FGF12: variants seen among roughly 807,000 people sequenced by gnomAD.
FGF12 encodes fibroblast growth factor 12B.
Under a neutral mutation model 23.6 loss-of-function variants are expected in FGF12, and 14 were observed. The observed-to-expected ratio is 0.59, with a 90% CI of 0.39 to 0.93. The LOEUF is 0.93. Ranked by LOEUF, FGF12 falls within the 40% of genes least tolerant of loss-of-function variation. FGF12 has a pLI of 0.00. For synonymous variants in FGF12, 62 were observed against 77.3 expected (o/e 0.80, Z 1.04); for missense variants, 175 against 217.8 (o/e 0.80, Z 1.24).
Position 192,596,028 on chromosome 3 carries a change from G to C in FGF12, c.13+131153C>G, listed in dbSNP as rs567203642. ...GGATGGCTTGAGCCAGGGAGGCGGGGGTTGCAGTTAGCCGATATTGTACCA... is the reference window on the plus strand; with the variant it reads ...GGATGGCTTGAGCCAGGGAGGCGGGCGTTGCAGTTAGCCGATATTGTACCA... On this transcript the variant is annotated intron_variant, in intron 2 of 5. Transcript: ENST00000445105. Among the ~76,000 whole-genome samples, 24 of 150,984 alleles carry C rather than the reference G, an allele frequency of 1.6e-4. No individual in the cohort carries two copies. The East Asian group carries it at 4.7e-3, about 29-fold the overall frequency.
At position 192,506,876 on chromosome 3, in the gene FGF12, C is replaced by A. The variant is rs1724320678; in HGVS notation, c.14-146338G>T. Among the ~76,000 whole-genome samples, 3 of 147,172 alleles carry A rather than the reference C, an allele frequency of 2.0e-5. 1 individual carries two copies. The highest frequency in any genetic ancestry group is 4.0e-4 in the East Asian group (2 of 4,948). On this transcript the variant is annotated intron_variant, in intron 2 of 5. Transcript: ENST00000445105. ...CGGCGAATCTGACCTCCCATCTAGT[C>A]ATGGCCATTAACTCAGTTTTTTTTT... is the stretch of plus-strand genomic sequence containing the variant.
At chr3:192,654,788 T>C (rs942545803) in intron 2 of FGF12, among the ~76,000 whole-genome samples, 1 of 152,186 alleles carries the variant, frequency 6.6e-6, no homozygotes, top group Non-Finnish European at 1.5e-5. Context: ...AAACTGGTTA[T>C]GGTTTTCGTA....
At chr3:192,589,635 T>C (rs1713540934) in intron 2 of FGF12, among the ~76,000 whole-genome samples, 1 of 151,692 alleles carries the variant, frequency 6.6e-6, no homozygotes, top group African/African-American at 2.4e-5. Context: ...TGAAACCCTA[T>C]AGGATTCATG....
intron 2 of FGF12, among the ~76,000 whole-genome samples, chr3:192,666,727 C>T (rs1310411229): frequency 1.3e-5 from 2 of 152,062 alleles, no homozygotes; most frequent in African/African-American, 4.8e-5. Context: ...ATGCAAATGT[C>T]CTGACAGCCT....
In FGF12 at chr3:192,286,444, T is replaced by C. The variant is rs186787843; in HGVS notation, c.228+48917A>G. ...AGAATTTAAAGCAGCCAGAAATCTG[T>C]ACCCTCTTTTTCAGTTGCTTAGAAT... On this transcript the variant is annotated intron_variant, in intron 4 of 5. Coordinates refer to ENST00000445105, the MANE Select transcript of FGF12 (RefSeq NM_004113.6). Among the ~76,000 whole-genome samples the C allele has an allele frequency of 1.7e-3, 258 of 152,162 alleles. 2 individuals carry two copies. The highest frequency in any genetic ancestry group is 5.9e-3 in the African/African-American group (245 of 41,550).
rs552165910 is a variant in FGF12, at chr3:192,694,985, A to G, written c.13+32196T>C. ...ACTACTGTGAATAATATTTGTACAT[A>G]TACTAAAAATTTGCTAGGGGAGTAG... On this transcript the variant is annotated intron_variant, in intron 2 of 5. Transcript: ENST00000445105. 3.3e-5 allele frequency among the ~76,000 whole-genome samples: 5 copies of G among 152,196 alleles called. No homozygotes were observed. In the South Asian group the frequency reaches 1.0e-3, roughly 32 times the overall value.
intron 2 of FGF12, among the ~76,000 whole-genome samples, chr3:192,654,293 CAT>C (rs1238453704): frequency 1.3e-5 from 2 of 152,254 alleles, no homozygotes; most frequent in South Asian, 2.1e-4. Flanking sequence ...ATGGGTAATA[CAT>C]AGTTGCAGTG....
At chr3:192,300,912 G>A (rs1715315125) in intron 4 of FGF12, among the ~76,000 whole-genome samples, 1 of 152,090 alleles carries the variant, frequency 6.6e-6, no homozygotes, top group Admixed American at 6.6e-5. Flanking sequence ...CAGCTACTTG[G>A]GAGGCTGAGG....
intron 2 of FGF12, among the ~76,000 whole-genome samples, chr3:192,413,219 C>T (rs957679054): frequency 5.9e-5 from 9 of 152,226 alleles, no homozygotes; most frequent in African/African-American, 1.9e-4. Flanking sequence ...CTAGTTTACA[C>T]ATTCATTTTA....
At chr3:192,495,067 G>A (rs1465249046) in intron 2 of FGF12, among the ~76,000 whole-genome samples, 3 of 151,996 alleles carry the variant, frequency 2.0e-5, no homozygotes, top group Non-Finnish European at 4.4e-5. Flanking sequence ...CCCCATCTTG[G>A]CCAGGCTGGT....
intron 2 of FGF12, among the ~76,000 whole-genome samples, chr3:192,640,320 A>T (rs1715744240): frequency 1.3e-5 from 2 of 152,246 alleles, no homozygotes; most frequent in Non-Finnish European, 2.9e-5. Flanking sequence ...CATGTTGTAT[A>T]TATCAAATAT....
At chr3:192,176,727 A>G (rs976758618) in intron 4 of FGF12, among the ~76,000 whole-genome samples, 9 of 152,248 alleles carry the variant, frequency 5.9e-5, no homozygotes, top group Non-Finnish European at 1.3e-4. Context: ...TTCAATATCA[A>G]GTTTTTCCTA....
intron 2 of FGF12, among the ~76,000 whole-genome samples, chr3:192,429,065 C>A (rs1721774240): frequency 6.6e-6 from 1 of 151,914 alleles, no homozygotes; most frequent in Admixed American, 6.6e-5. Flanking sequence ...ACTATGTTTA[C>A]CCTACTCACC....
chr3:192,614,034 C>T (rs755873496), intron 2 of FGF12, among the ~76,000 whole-genome samples: 6 of 151,910 alleles, frequency 3.9e-5, no homozygotes. Flanking sequence ...TCTTGTCCTT[C>T]CCCATTGCTT....
At chr3:192,511,633 C>A (rs74631610) in intron 2 of FGF12, among the ~76,000 whole-genome samples, 80 of 152,222 alleles carry the variant, frequency 5.3e-4, no homozygotes, top group African/African-American at 1.8e-3. Context: ...TGCCATTTAA[C>A]CTTAGCAATA....
At position 192,514,169 on chromosome 3, in the gene FGF12, C is replaced by G. The variant is rs1724581024; in HGVS notation, c.14-153631G>C. ...ACCAAGGACAGAAATCGCTAAATCT[C>G]CAGGGGAAACGTACCCCTAACCACC... On this transcript the variant is annotated intron_variant, in intron 2 of 5. Coordinates refer to ENST00000445105, the MANE Select transcript of FGF12 (RefSeq NM_004113.6). The surrounding 1 kb of genome is among the most constrained non-coding windows in gnomAD (Gnocchi z 4.9). Among the ~76,000 whole-genome samples, 2 of 152,184 alleles carry G rather than the reference C, an allele frequency of 1.3e-5. No individual in the cohort carries two copies. Among genetic ancestry groups the G allele is most frequent in the Non-Finnish European group, 2.9e-5 (2 of 68,038 alleles).
chr3:192,305,484 T>C (rs1235368937), intron 4 of FGF12, among the ~76,000 whole-genome samples: 4 of 151,958 alleles, frequency 2.6e-5, no homozygotes, highest in African/African-American at 9.7e-5. Context: ...GTCAGTTTGC[T>C]CGAGTCCCCA....
intron 4 of FGF12, among the ~76,000 whole-genome samples, chr3:192,267,519 T>C (rs1001565757): frequency 7.2e-5 from 11 of 152,186 alleles, no homozygotes; most frequent in African/African-American, 2.7e-4. Context: ...ATTCTCCAAG[T>C]CTATGCAAGA....
At chr3:192,384,280 A>C (rs1000166720) in intron 2 of FGF12, among the ~76,000 whole-genome samples, 6 of 152,218 alleles carry the variant, frequency 3.9e-5, no homozygotes, top group African/African-American at 1.4e-4. Context: ...AAGGTTAAAA[A>C]TCAAAAAGAA....
Sources: gnomAD v4.1 joint callset for allele counts (sites outside exome capture counted in the v4.1 genomes callset) on GRCh38, gnomAD v4.1.1 for gene constraint, Gnocchi (gnomAD v3.1) non-coding constraint, MANE v1.5 for transcripts, NCBI Gene and HGNC (gene_info 2026-07-23, HGNC 2026-07-21) for gene names.